TENM4: variants seen among roughly 807,000 people sequenced by gnomAD.
TENM4 encodes teneurin transmembrane protein 4, also known as teneurin-4.
Under a neutral mutation model 243.3 loss-of-function variants are expected in TENM4, and 82 were observed. That is an observed-to-expected ratio of 0.34 (90% CI 0.28 to 0.40). The LOEUF is 0.40. Among genes scored for constraint, TENM4 ranks in the 10% least tolerant of loss-of-function variants. The pLI is 1.00. For missense variants in TENM4, 3,138 were observed against 3,673.3 expected (o/e 0.85, Z 3.77); for synonymous variants, 1,412 against 1,456.3 (o/e 0.97, Z 0.69).
chr11:79,245,622 T>C (rs1204533599), intron 2 of TENM4, among the ~76,000 whole-genome samples: 1 of 151,942 alleles, frequency 6.6e-6, no homozygotes, highest in Non-Finnish European at 1.5e-5. Flanking sequence ...TAACACTTTA[T>C]AGAAAAAGAA....
intron 7 of TENM4, among the ~76,000 whole-genome samples, chr11:78,899,571 G>GGGGGGA (rs1565430077): frequency 7.6e-5 from 6 of 79,408 alleles, no homozygotes; most frequent in African/African-American, 2.5e-4. Flanking sequence ...GGGGGGGGGG[G>GGGGGGA]AAAAAGAAAA....
chr11:79,096,210 T>C (rs1423513807), intron 4 of TENM4: 2 of 152,182 alleles, frequency 1.3e-5, no homozygotes, highest in Admixed American at 6.5e-5. Context: ...CTGAGGATCA[T>C]TCCCAGGAAG....
intron 28 of TENM4, among the ~76,000 whole-genome samples, chr11:78,689,474 C>CTT (rs35671591): frequency 2.5e-4 from 36 of 145,838 alleles, no homozygotes; most frequent in East Asian, 7.9e-4. Context: ...TCCCTACTGG[C>CTT]TTTTTTTTTT....
At chr11:79,361,327 A>C (rs866482360) in intron 1 of TENM4, among the ~76,000 whole-genome samples, 71 of 152,326 alleles carry the variant, frequency 4.7e-4, no homozygotes, top group African/African-American at 1.7e-3. Context: ...TACCAGCCTC[A>C]AATACAGTTC....
intron 6 of TENM4, among the ~76,000 whole-genome samples, chr11:79,011,647 G>T (rs1858645853): frequency 6.6e-6 from 1 of 152,214 alleles, no homozygotes; most frequent in Admixed American, 6.5e-5. Flanking sequence ...CACCCCCGCT[G>T]GCTTGGCAGC....
intron 2 of TENM4, among the ~76,000 whole-genome samples, chr11:79,240,325 T>C (rs1864566353): frequency 6.6e-6 from 1 of 152,146 alleles, no homozygotes; most frequent in South Asian, 2.1e-4. Context: ...TGGGCAATGT[T>C]ATAACTTATA....
At chr11:79,264,172 T>C (rs1855843878) in intron 2 of TENM4, among the ~76,000 whole-genome samples, 1 of 152,182 alleles carries the variant, frequency 6.6e-6, no homozygotes, top group Non-Finnish European at 1.5e-5. Context: ...CAGGCTATCC[T>C]TCTCACTGAG....
chr11:79,299,130 T>C (rs943359598), intron 1 of TENM4, among the ~76,000 whole-genome samples: 3 of 151,828 alleles, frequency 2.0e-5, no homozygotes, highest in African/African-American at 7.3e-5. Flanking sequence ...TTAAAATAAA[T>C]TAGTTTTGGA....
chr11:78,861,110 A>G (rs899101237), intron 10 of TENM4, among the ~76,000 whole-genome samples: 2 of 152,230 alleles, frequency 1.3e-5, no homozygotes, highest in African/African-American at 4.8e-5. Flanking sequence ...GTACATGCTG[A>G]TCTAAAGACA....
chr11:78,662,186 TTTTC>T (rs1196968533), intron 32 of TENM4, among the ~76,000 whole-genome samples: 103 of 151,724 alleles, frequency 6.8e-4, no homozygotes, highest in African/African-American at 2.4e-3. Flanking sequence ...TGTGCCTTCA[TTTTC>T]TTTCTTTTTT....
At chr11:78,935,017 T>TTTG in intron 6 of TENM4, among the ~76,000 whole-genome samples, 1 of 121,526 alleles carries the variant, frequency 8.2e-6, no homozygotes, top group South Asian at 2.7e-4. Context: ...TTTTTTTTTT[T>TTTG]TTTTTGAGAC....
intron 19 of TENM4, among the ~76,000 whole-genome samples, chr11:78,739,748 G>A (rs913822283): frequency 3.3e-5 from 5 of 152,184 alleles, no homozygotes; most frequent in Admixed American, 2.0e-4. Flanking sequence ...CTCTCCCTTG[G>A]GGTGATTTTG....
chr11:79,117,241 T>A (rs1861640817), intron 4 of TENM4, among the ~76,000 whole-genome samples: 1 of 152,128 alleles, frequency 6.6e-6, no homozygotes, highest in Admixed American at 6.5e-5. Flanking sequence ...CTTCATCAGC[T>A]CTCTTTACGT....
At chr11:79,288,313 A>G (rs1436801692) in intron 2 of TENM4, among the ~76,000 whole-genome samples, 2 of 152,262 alleles carry the variant, frequency 1.3e-5, no homozygotes, top group East Asian at 3.8e-4. Context: ...TAAATGAAAC[A>G]GTAAGCTAGT....
intron 6 of TENM4, among the ~76,000 whole-genome samples, chr11:79,019,824 A>T (rs1858880950): frequency 6.6e-6 from 1 of 152,174 alleles, no homozygotes; most frequent in South Asian, 2.1e-4. Flanking sequence ...TTAAGGGAAC[A>T]TCCCCTCCAA....
At chr11:78,856,373 C>A (rs1231231216) in intron 10 of TENM4, among the ~76,000 whole-genome samples, 195 bp from the exon 11 acceptor site, 3 of 152,072 alleles carry the variant, frequency 2.0e-5, no homozygotes, top group Non-Finnish European at 2.9e-5. Flanking sequence ...TTTTTCCCCC[C>A]AGCGATGCTC....
Position 78,805,491 on chromosome 11 carries a change from C to T in TENM4, c.1980G>A (p.Val660=). Residue 660 remains valine (V), a splice_region_variant and synonymous_variant, in exon 15 of 34, where the codon GTG becomes GTA. Coordinates refer to ENST00000278550, the MANE Select transcript of TENM4 (RefSeq NM_001098816.3). ...PGYKGESCEE[V]DCMDPTCSGR... is the part of the protein sequence containing the mutation. Reference sequence around the variant, plus strand: ...CTGAACATGTGGGGTCCATGCAGTCCACTGTGAGATGGAGGAAGGAGAACA... The same window carrying T: ...CTGAACATGTGGGGTCCATGCAGTCTACTGTGAGATGGAGGAAGGAGAACA... The T allele has an allele frequency of 6.4e-7, 1 of 1,573,998 alleles. No individual in the cohort carries two copies. Among genetic ancestry groups the T allele is most frequent in the Non-Finnish European group, 8.6e-7 (1 of 1,159,472 alleles).
intron 4 of TENM4, among the ~76,000 whole-genome samples, chr11:79,112,299 A>G (rs1861525220): frequency 6.6e-6 from 1 of 152,220 alleles, no homozygotes; most frequent in East Asian, 1.9e-4. Flanking sequence ...TCAGAAATCC[A>G]GATAGAATTC....
At chr11:79,261,982 G>A (rs1590834475) in intron 2 of TENM4, among the ~76,000 whole-genome samples, 1 of 152,160 alleles carries the variant, frequency 6.6e-6, no homozygotes, top group Non-Finnish European at 1.5e-5. Flanking sequence ...GCCCTGTAAG[G>A]ATTTTCTTAT....
Sources: allele counts gnomAD v4.1 joint callset (sites outside exome capture counted in the v4.1 genomes callset), GRCh38; gene constraint gnomAD v4.1.1; transcripts MANE v1.5; gene names NCBI Gene and HGNC (gene_info 2026-07-23, HGNC 2026-07-21).